Variants in SIL1 observed in about 807,000 individuals in gnomAD.
SIL1 encodes the protein nucleotide exchange factor SIL1.
A neutral mutation model predicts 49.1 loss-of-function variants in SIL1; 40 were observed. The ratio of observed to expected loss-of-function variants is 0.81; its 90% CI spans 0.63 to 1.06. SIL1 has a LOEUF of 1.06. SIL1 is among the 50% of genes least tolerant of loss of function. The probability of loss-of-function intolerance (pLI) is 0.00; values close to 1 mark genes in which losing one functional copy is unlikely to be tolerated. For missense variants in SIL1, 500 were observed against 572.6 expected, an observed-to-expected ratio of 0.87 and a Z score of 1.29; for synonymous variants, 253 against 250.8, an observed-to-expected ratio of 1.01 and a Z score of -0.08.
At chr5:139,036,536 A>G (rs1027990702) in intron 5 of SIL1, among the ~76,000 whole-genome samples, 6 of 152,234 alleles carry the variant, frequency 3.9e-5, no homozygotes, top group Non-Finnish European at 8.8e-5. Context: ...AATGAGATCT[A>G]TCCCTTCAAG....
intron 3 of SIL1, among the ~76,000 whole-genome samples, chr5:139,084,483 A>G (rs1770165087): frequency 1.1e-5 from 1 of 93,016 alleles, no homozygotes; most frequent in Non-Finnish European, 2.2e-5. Flanking sequence ...TATCCTTTGT[A>G]GGGACATGGA....
chr5:138,979,800 G>A (rs1017777100), intron 7 of SIL1, among the ~76,000 whole-genome samples: 2 of 152,234 alleles, frequency 1.3e-5, no homozygotes, highest in East Asian at 3.8e-4. Flanking sequence ...TTTCTGTCTA[G>A]AGGAGCTGTA....
At chr5:139,073,082 A>T (rs1332350130) in intron 3 of SIL1, among the ~76,000 whole-genome samples, 1 of 152,230 alleles carries the variant, frequency 6.6e-6, no homozygotes, top group African/African-American at 2.4e-5. Context: ...TACAGAAAAG[A>T]GAAGCTTTGT....
chr5:139,183,182 TG>T (rs1752022402), intron 1 of SIL1, among the ~76,000 whole-genome samples: 1 of 152,282 alleles, frequency 6.6e-6, no homozygotes, highest in Non-Finnish European at 1.5e-5. Flanking sequence ...AGGTCAGGTC[TG>T]GGTAAGGAAA....
chr5:139,190,056 C>G (rs1752140418), intron 1 of SIL1, among the ~76,000 whole-genome samples: 1 of 152,120 alleles, frequency 6.6e-6, no homozygotes, highest in South Asian at 2.1e-4. Flanking sequence ...TTCAACAGAT[C>G]ATAAAACTAA....
intron 2 of SIL1, 54 bp downstream of exon 2, chr5:139,127,685 G>T: frequency 7.1e-7 from 1 of 1,412,040 alleles, no homozygotes; most frequent in Admixed American, 1.9e-5. Context: ...GTGACAGGGA[G>T]GCCTTCTCAA....
At chr5:139,155,444 A>AGAGT (rs1347440570) in intron 1 of SIL1, 6 of 145,976 alleles carry the variant, frequency 4.1e-5, no homozygotes, top group East Asian at 2.0e-4. Context: ...ACACGTACAC[A>AGAGT]GAGTGAGAGA....
intron 3 of SIL1, among the ~76,000 whole-genome samples, chr5:139,056,801 C>A (rs1234416313): frequency 6.6e-6 from 1 of 152,038 alleles, no homozygotes; most frequent in Non-Finnish European, 1.5e-5. Context: ...CCGGCCACCA[C>A]CCCGTCTGGG....
At chr5:139,082,387 C>G (rs1016160233) in intron 3 of SIL1, among the ~76,000 whole-genome samples, 2 of 152,126 alleles carry the variant, frequency 1.3e-5, no homozygotes, top group Non-Finnish European at 2.9e-5. Context: ...CAGGAACAAC[C>G]AAATCCTGAC....
chr5:138,994,402 A>C (rs1442617884), intron 7 of SIL1, among the ~76,000 whole-genome samples: 1 of 152,182 alleles, frequency 6.6e-6, no homozygotes, highest in African/African-American at 2.4e-5. Flanking sequence ...GGCATAACAA[A>C]AGAGATTGAT....
At chr5:139,065,788 A>C (rs1183982884) in intron 3 of SIL1, among the ~76,000 whole-genome samples, 1 of 152,106 alleles carries the variant, frequency 6.6e-6, no homozygotes, top group Non-Finnish European at 1.5e-5. Flanking sequence ...TACCCACTAT[A>C]CACTCCTGAG....
At chr5:139,011,325 G>A (rs1024335761) in intron 7 of SIL1, among the ~76,000 whole-genome samples, 3 of 152,146 alleles carry the variant, frequency 2.0e-5, no homozygotes, top group East Asian at 1.9e-4. Flanking sequence ...TTCGGCTCCC[G>A]CACCGTGCGC....
chr5:139,023,494 G>A (rs181412244), intron 6 of SIL1, among the ~76,000 whole-genome samples: 2 of 152,342 alleles, frequency 1.3e-5, no homozygotes, highest in East Asian at 3.9e-4. Context: ...GTGGGAGAAG[G>A]CAAATGTACT....
At chr5:139,021,122 G>T (rs1768515991) in intron 7 of SIL1, 49 bp downstream of exon 7, 3 of 1,613,444 alleles carry the variant, frequency 1.9e-6, no homozygotes, top group African/African-American at 1.3e-5. Context: ...CTTCCAAGCA[G>T]ATCAGGCCAA....
intron 3 of SIL1, among the ~76,000 whole-genome samples, chr5:139,052,276 G>C (rs977817039): frequency 6.6e-6 from 1 of 152,156 alleles, no homozygotes; most frequent in African/African-American, 2.4e-5. Flanking sequence ...TGCTGTTGCT[G>C]TTCCTGCCGT....
intron 1 of SIL1, among the ~76,000 whole-genome samples, chr5:139,193,120 G>T (rs747613883): frequency 1.3e-5 from 2 of 150,264 alleles, no homozygotes; most frequent in Non-Finnish European, 2.9e-5. Flanking sequence ...TATCAGATAA[G>T]ACCATGCATT....
At chr5:138,953,599 G>A (rs1171618239) in intron 7 of SIL1, among the ~76,000 whole-genome samples, 1 of 152,258 alleles carries the variant, frequency 6.6e-6, no homozygotes, top group Non-Finnish European at 1.5e-5. Context: ...ATGGGCCAGA[G>A]TCCCTGGGGA....
intron 1 of SIL1, among the ~76,000 whole-genome samples, chr5:139,170,843 C>T (rs1221916859): frequency 3.3e-5 from 5 of 151,098 alleles, no homozygotes; most frequent in Admixed American, 6.6e-5. Flanking sequence ...GCCCCCCGCC[C>T]GGCCAGCCGC....
chr5:139,017,751 C>A (rs563964695), intron 7 of SIL1, among the ~76,000 whole-genome samples: 1 of 152,266 alleles, frequency 6.6e-6, no homozygotes, highest in African/African-American at 2.4e-5. Context: ...CAGAAGGCTG[C>A]CTGGCCTCTG....
Sources: gnomAD v4.1 joint callset for allele counts (sites outside exome capture counted in the v4.1 genomes callset) on GRCh38, gnomAD v4.1.1 for gene constraint, MANE v1.5 for transcripts, NCBI Gene and HGNC (gene_info 2026-07-23, HGNC 2026-07-21) for gene names.